Variants in FAM120A observed in about 807,000 individuals in gnomAD.
The protein encoded by FAM120A is constitutive coactivator of PPAR-gamma-like protein 1.
Under a neutral mutation model 109.7 loss-of-function variants are expected in FAM120A, and 15 were observed. The observed-to-expected ratio is 0.14, with a 90% CI of 0.09 to 0.21. The LOEUF is 0.21. FAM120A is among the 10% of genes least tolerant of loss of function. The probability of loss-of-function intolerance (pLI) is 1.00; values close to 1 mark genes in which losing one functional copy is unlikely to be tolerated. For missense variants in FAM120A, 899 were observed against 1,439.3 expected, an observed-to-expected ratio of 0.62 and a Z score of 6.07; for synonymous variants, 493 against 572.8, an observed-to-expected ratio of 0.86 and a Z score of 1.99.
In FAM120A at chr9:93,529,436, G is replaced by T. The variant is rs144836182; in HGVS notation, c.1590G>T (p.Pro530=). 24 of 1,614,186 alleles carry T rather than the reference G, an allele frequency of 1.5e-5. No individual in the cohort carries two copies. In the Middle Eastern group the frequency reaches 2.1e-3, roughly 144 times the overall value. The stretch of plus-strand genomic sequence containing the variant: ...AGATGGGCACTGTCCAGCCAATCCC[G>T]TGCCTCCTGTCGATGCCCACCAGGA... ...GSQMGTVQPI[P]CLLSMPTRNH... is the part of the protein sequence containing the mutation. Residue 530 remains proline, a synonymous_variant, in exon 9 of 18, where the codon CCG becomes CCT. Coordinates refer to ENST00000277165, the MANE Select transcript of FAM120A (RefSeq NM_014612.5).
intron 11 of FAM120A, among the ~76,000 whole-genome samples, chr9:93,548,618 TTAAAA>T (rs1317088115): frequency 6.6e-5 from 10 of 152,138 alleles, no homozygotes; most frequent in Middle Eastern, 3.4e-3. Flanking sequence ...TAAAAAGAAA[TTAAAA>T]TAAAAGGAAT....
chr9:93,460,738 A>G (rs957759037), intron 1 of FAM120A, among the ~76,000 whole-genome samples: 2 of 152,198 alleles, frequency 1.3e-5, no homozygotes, highest in Admixed American at 1.3e-4. Flanking sequence ...ACATGCTCAG[A>G]AAATATTTGA....
chr9:93,540,409 G>A (rs1430027535), intron 10 of FAM120A, among the ~76,000 whole-genome samples: 1 of 152,170 alleles, frequency 6.6e-6, no homozygotes, highest in African/African-American at 2.4e-5. Context: ...TGTCATAACT[G>A]TTGCATGTGG....
At chr9:93,501,241 A>T (rs1045785631) in intron 5 of FAM120A, among the ~76,000 whole-genome samples, 8 of 152,208 alleles carry the variant, frequency 5.3e-5, no homozygotes, top group Non-Finnish European at 1.5e-5. Flanking sequence ...ACTTAGGAGA[A>T]AATTAGGAAG....
At chr9:93,508,524 C>T (rs1405671779) in intron 5 of FAM120A, among the ~76,000 whole-genome samples, 2 of 152,196 alleles carry the variant, frequency 1.3e-5, no homozygotes, top group African/African-American at 4.8e-5. Flanking sequence ...GGCTGAGTGG[C>T]CTGGGGTGGG....
intron 3 of FAM120A, among the ~76,000 whole-genome samples, chr9:93,488,397 C>T (rs141602376): frequency 0.011 from 1,599 of 152,148 alleles, 21 homozygotes; most frequent in Middle Eastern, 0.014. Flanking sequence ...CGGGGCCCTC[C>T]TGCTTGGCTT....
chr9:93,551,008 TA>T (rs1862076669), intron 12 of FAM120A, among the ~76,000 whole-genome samples: 1 of 152,214 alleles, frequency 6.6e-6, no homozygotes, highest in Non-Finnish European at 1.5e-5. Flanking sequence ...TTTTATATTT[TA>T]GGGGGGGATT....
At chr9:93,472,076 A>G (rs1244013854) in intron 2 of FAM120A, among the ~76,000 whole-genome samples, 2 of 152,200 alleles carry the variant, frequency 1.3e-5, no homozygotes, top group Non-Finnish European at 2.9e-5. Flanking sequence ...CCTGGCCAAC[A>G]TGGTGAAACC....
chr9:93,514,752 T>A (rs1860492742), intron 5 of FAM120A, among the ~76,000 whole-genome samples: 3 of 152,234 alleles, frequency 2.0e-5, no homozygotes, highest in Admixed American at 2.0e-4. Flanking sequence ...TTGTGCTGTC[T>A]CTGGAACAGC....
chr9:93,487,431 G>A (rs1859112113), intron 3 of FAM120A, among the ~76,000 whole-genome samples: 2 of 152,102 alleles, frequency 1.3e-5, no homozygotes, highest in South Asian at 4.1e-4. Flanking sequence ...CAAAGTGCTG[G>A]GATTATGGGC....
chr9:93,472,934 A>T (rs1469342146), intron 2 of FAM120A, among the ~76,000 whole-genome samples: 1 of 152,230 alleles, frequency 6.6e-6, no homozygotes, highest in South Asian at 2.1e-4. Context: ...GCAGGGAAAG[A>T]TTAACTTTAA....
At chr9:93,486,420 A>G (rs965781174) in intron 3 of FAM120A, among the ~76,000 whole-genome samples, 2 of 152,032 alleles carry the variant, frequency 1.3e-5, no homozygotes, top group Non-Finnish European at 2.9e-5. Flanking sequence ...TTTGTGTATA[A>G]GTTTTTATGT....
chr9:93,467,813 G>A (rs1346616854), intron 1 of FAM120A, among the ~76,000 whole-genome samples: 2 of 152,110 alleles, frequency 1.3e-5, no homozygotes, highest in African/African-American at 2.4e-5. Context: ...AGGTAATTCT[G>A]TTATGGGTGG....
chr9:93,489,270 T>G (rs767046901), intron 3 of FAM120A, among the ~76,000 whole-genome samples: 8 of 152,268 alleles, frequency 5.3e-5, no homozygotes, highest in South Asian at 4.2e-4. Flanking sequence ...GATGGGGATT[T>G]TAACAGTGAC....
chr9:93,506,211 A>G (rs1588855258), intron 5 of FAM120A, among the ~76,000 whole-genome samples: 2 of 152,166 alleles, frequency 1.3e-5, no homozygotes, highest in African/African-American at 4.8e-5. Flanking sequence ...GGAGATTTTG[A>G]TTGGAATTAC....
intron 1 of FAM120A, among the ~76,000 whole-genome samples, chr9:93,460,924 A>C (rs117880863): frequency 2.6e-5 from 4 of 151,992 alleles, no homozygotes; most frequent in African/African-American, 9.7e-5. Context: ...AACTTAGGAG[A>C]TGTGTTGAGG....
In FAM120A at chr9:93,451,713, C is replaced by T; in HGVS notation, c.-203C>T. On this transcript the variant is annotated 5_prime_UTR_variant, in exon 1 of 18. Coordinates refer to ENST00000277165, the MANE Select transcript of FAM120A (RefSeq NM_014612.5). ...GGCCTCGCAGCGGCGGCAGCGGCGG[C>T]GGCGGCAGGTCCCTCCCCAGACATG... 1 of 985,518 alleles carries T rather than the reference C, an allele frequency of 1.0e-6. No homozygotes were observed. Among genetic ancestry groups the T allele is most frequent in the Non-Finnish European group, 1.2e-6 (1 of 832,268 alleles). The allele number at this position is 985,518 out of a possible 1,614,324, so 61.0% of individuals were successfully genotyped here.
In FAM120A at chr9:93,564,402, C is replaced by T. The variant is rs1862574084; in HGVS notation, c.3219C>T (p.Ala1073=). The change falls in exon 18 of 18, where the codon GCC becomes GCT. Residue 1073 remains alanine (A), a synonymous_variant. Coordinates refer to ENST00000277165, the MANE Select transcript of FAM120A (RefSeq NM_014612.5). ...QMNGSTGDAR[A]PSHSESALNN... ...ACGGGAGCACGGGTGACGCCAGGGC[C>T]CCCAGCCACTCTGAAAGTGCCTTGA... The T allele has an allele frequency of 1.2e-6, 2 of 1,614,208 alleles. No individual in the cohort carries two copies. The highest frequency in any genetic ancestry group is 2.2e-5 in the East Asian group (1 of 44,892).
chr9:93,521,371 C>G (rs1043530012), intron 7 of FAM120A, among the ~76,000 whole-genome samples: 2 of 152,160 alleles, frequency 1.3e-5, no homozygotes, highest in South Asian at 4.1e-4. Flanking sequence ...AATCCCCACA[C>G]TTTGAGAGGC....
Sources: gnomAD v4.1 joint callset for allele counts (sites outside exome capture counted in the v4.1 genomes callset) on GRCh38, gnomAD v4.1.1 for gene constraint, MANE v1.5 for transcripts, NCBI Gene and HGNC (gene_info 2026-07-23, HGNC 2026-07-21) for gene names.